The following MTHFD1L variants were observed in gnomAD, a reference collection of about 807,000 sequenced individuals.
MTHFD1L encodes methylenetetrahydrofolate dehydrogenase (NADP+ dependent) 1 like, also known as monofunctional C1-tetrahydrofolate synthase, mitochondrial.
Under a neutral mutation model 119.5 loss-of-function variants are expected in MTHFD1L, and 81 were observed. The observed-to-expected ratio is 0.68, with a 90% CI of 0.57 to 0.82. The LOEUF is 0.82. Among genes scored for constraint, MTHFD1L ranks in the 40% least tolerant of loss-of-function variants. MTHFD1L has a pLI of 0.00. For synonymous variants in MTHFD1L, 430 were observed against 475.2 expected, an observed-to-expected ratio of 0.90 and a Z score of 1.24; for missense variants, 1,125 against 1,253.4, an observed-to-expected ratio of 0.90 and a Z score of 1.55.
At chr6:150,916,750 T>A (rs1439328276) in intron 8 of MTHFD1L, among the ~76,000 whole-genome samples, 71 of 28,546 alleles carry the variant, frequency 2.5e-3, no homozygotes, top group African/African-American at 0.015. Context: ...TTTTTTTTTT[T>A]TTTTTTTTTT....
At chr6:150,959,463 A>G (rs1328756332) in intron 17 of MTHFD1L, among the ~76,000 whole-genome samples, 1 of 152,228 alleles carries the variant, frequency 6.6e-6, no homozygotes, top group Non-Finnish European at 1.5e-5. Flanking sequence ...CTTTTATTCC[A>G]TGTTGGACTT....
At chr6:151,082,439 T>C (rs1793288510) in intron 26 of MTHFD1L, among the ~76,000 whole-genome samples, 1 of 152,240 alleles carries the variant, frequency 6.6e-6, no homozygotes, top group Admixed American at 6.5e-5. Flanking sequence ...TTGGTTTAGC[T>C]TAACATTTGA....
intron 17 of MTHFD1L, among the ~76,000 whole-genome samples, chr6:150,957,921 A>G (rs1771823): frequency 0.28 from 43,148 of 152,058 alleles, 6,468 homozygotes; most frequent in East Asian, 0.49. Flanking sequence ...CCTGTGTAAT[A>G]AAAGCGAGTA....
At chr6:150,923,429 G>A (rs1190530091) in intron 10 of MTHFD1L, among the ~76,000 whole-genome samples, 2 of 151,834 alleles carry the variant, frequency 1.3e-5, no homozygotes, top group Non-Finnish European at 2.9e-5. Context: ...AATACTAGGT[G>A]TGCATCCCCA....
intron 20 of MTHFD1L, among the ~76,000 whole-genome samples, chr6:150,990,810 A>G (rs1778969268): frequency 6.6e-6 from 1 of 152,026 alleles, no homozygotes; most frequent in Admixed American, 6.5e-5. Flanking sequence ...TGATTAAATG[A>G]TGTTGGAACA....
chr6:150,912,146 G>A (rs1365453305), intron 8 of MTHFD1L, among the ~76,000 whole-genome samples: 2 of 152,104 alleles, frequency 1.3e-5, no homozygotes, highest in African/African-American at 2.4e-5. Flanking sequence ...CTCCCACCAG[G>A]CCCCACCCCC....
chr6:150,980,111 A>T (rs141745899), intron 20 of MTHFD1L, among the ~76,000 whole-genome samples: 95 of 152,286 alleles, frequency 6.2e-4, no homozygotes, highest in African/African-American at 2.2e-3. Flanking sequence ...TGATGCTTCC[A>T]GGTTTTTTGT....
intron 26 of MTHFD1L, among the ~76,000 whole-genome samples, chr6:151,045,346 G>T (rs544892203): frequency 3.3e-5 from 5 of 152,194 alleles, no homozygotes; most frequent in Non-Finnish European, 5.9e-5. Context: ...CCCCCAGCAG[G>T]TCCGCCAGGA....
intron 20 of MTHFD1L, among the ~76,000 whole-genome samples, chr6:150,976,724 T>C (rs1776634947): frequency 6.6e-6 from 1 of 152,190 alleles, no homozygotes; most frequent in Non-Finnish European, 1.5e-5. Flanking sequence ...AGTGACAGAT[T>C]GGAAAGAAAC....
At chr6:150,960,466 C>T (rs377258770) in intron 18 of MTHFD1L, 51 bp downstream of exon 18, 20 of 1,538,984 alleles carry the variant, frequency 1.3e-5, no homozygotes, top group African/African-American at 4.1e-5. Flanking sequence ...CCTCGTTCTT[C>T]GTTACCAGAA....
rs544580072 is a variant in MTHFD1L at position 151,057,781 on chromosome 6, TTTTG to T, written c.2847+20677_2847+20680del. 4.1e-3 allele frequency among the ~76,000 whole-genome samples: 623 copies of T among 152,210 alleles called. 2 individuals are homozygous for T. Among genetic ancestry groups the T allele is most frequent in the African/African-American group, 0.014 (581 of 41,524 alleles). ...TTCGAGGAGAGCCGTATGCATGACCTTTTGTTTGTTTGTTTGAGACGGAGTCTGG... is the reference window on the plus strand; with the variant it reads ...TTCGAGGAGAGCCGTATGCATGACCTTTTGTTTGTTTGAGACGGAGTCTGG... On this transcript the variant is annotated intron_variant, in intron 26 of 27. Transcript: ENST00000367321.
chr6:151,020,159 T>G (rs1305560181), intron 24 of MTHFD1L, among the ~76,000 whole-genome samples: 2 of 152,226 alleles, frequency 1.3e-5, no homozygotes, highest in African/African-American at 4.8e-5. Flanking sequence ...TAATGGCATC[T>G]TGTGTGCTAT....
At chr6:151,054,012 A>T (rs1032202597) in intron 26 of MTHFD1L, among the ~76,000 whole-genome samples, 3 of 152,152 alleles carry the variant, frequency 2.0e-5, no homozygotes, top group Non-Finnish European at 2.9e-5. Context: ...TTTAATTTTA[A>T]CTTTATGATG....
At position 150,876,074 on chromosome 6, in the gene MTHFD1L, T is replaced by G; in HGVS notation, c.228-16T>G. ...TTAACCAAGAAATCACAATGTTGTT[T>G]TCTTTCTCAATGTAGAGAAGTCATT... On this transcript the variant is annotated splice_polypyrimidine_tract_variant and intron_variant, in intron 1 of 27. Transcript: ENST00000367321. The G allele has an allele frequency of 6.4e-7, 1 of 1,567,894 alleles. No individual in the cohort carries two copies. Among genetic ancestry groups the G allele is most frequent in the South Asian group, 1.1e-5 (1 of 87,746 alleles).
chr6:150,915,731 G>A (rs1011211379), intron 8 of MTHFD1L, among the ~76,000 whole-genome samples: 1 of 152,124 alleles, frequency 6.6e-6, no homozygotes, highest in Non-Finnish European at 1.5e-5. Flanking sequence ...CTCTGAGTAG[G>A]TGGGACTACA....
chr6:150,958,944 T>C (rs1047036082), intron 17 of MTHFD1L, among the ~76,000 whole-genome samples: 2 of 152,206 alleles, frequency 1.3e-5, no homozygotes, highest in Non-Finnish European at 2.9e-5. Flanking sequence ...TATATATTAT[T>C]CTTATTTACA....
chr6:150,886,270 C>G (rs555433406), intron 6 of MTHFD1L, among the ~76,000 whole-genome samples: 1 of 151,842 alleles, frequency 6.6e-6, no homozygotes, highest in Non-Finnish European at 1.5e-5. Flanking sequence ...CTTGTCTCTA[C>G]AAAAAAAATT....
At position 151,010,668 on chromosome 6, in the gene MTHFD1L, G is replaced by T. The variant is rs117165522; in HGVS notation, c.2265+710G>T. The stretch of plus-strand genomic sequence containing the variant: ...AAAACCTGTGCATAGATTTTTGGGG[G>T]TTTTTTTGTTGTTGTTTGCTTGTTT... On this transcript the variant is annotated intron_variant, in intron 21 of 27. Transcript: ENST00000367321. Among the ~76,000 whole-genome samples, 201 of 152,012 alleles carry T rather than the reference G, an allele frequency of 1.3e-3. 3 individuals are homozygous for T. The East Asian group carries it at 0.025, about 19-fold the overall frequency.
At chr6:150,969,196 A>T (rs1453170030) in intron 19 of MTHFD1L, among the ~76,000 whole-genome samples, 2 of 151,644 alleles carry the variant, frequency 1.3e-5, no homozygotes, top group Non-Finnish European at 2.9e-5. Flanking sequence ...TGGCCAGGCC[A>T]GTCTCAAACT....
Sources: allele counts gnomAD v4.1 joint callset (sites outside exome capture counted in the v4.1 genomes callset), GRCh38; gene constraint gnomAD v4.1.1; transcripts MANE v1.5; gene names NCBI Gene and HGNC (gene_info 2026-07-23, HGNC 2026-07-21).